The following CCSER1 variants were observed in gnomAD, a reference collection of about 807,000 sequenced individuals.
CCSER1 encodes serine-rich coiled-coil domain-containing protein 1.
Under a neutral mutation model 82.0 loss-of-function variants are expected in CCSER1, and 41 were observed. That is an observed-to-expected ratio of 0.50 (90% CI 0.39 to 0.65). The LOEUF is 0.65. Ranked by LOEUF, CCSER1 falls within the 30% of genes least tolerant of loss-of-function variation. The pLI is 0.00. For synonymous variants in CCSER1, 414 were observed against 383.9 expected, an observed-to-expected ratio of 1.08 and a Z score of -0.92; for missense variants, 1,119 against 1,064.2, an observed-to-expected ratio of 1.05 and a Z score of -0.72.
At chr4:90,732,731 C>T (rs1744972526) in intron 7 of CCSER1, among the ~76,000 whole-genome samples, 1 of 152,078 alleles carries the variant, frequency 6.6e-6, no homozygotes, top group African/African-American at 2.4e-5. Context: ...TTCTCTATCT[C>T]CATCAGTTTA....
chr4:90,909,985 T>A (rs931679378), intron 8 of CCSER1, among the ~76,000 whole-genome samples: 3 of 152,142 alleles, frequency 2.0e-5, no homozygotes, highest in African/African-American at 7.2e-5. Flanking sequence ...AGAGGTTTAA[T>A]TGACTCACAG....
intron 5 of CCSER1, among the ~76,000 whole-genome samples, chr4:90,562,149 C>A (rs567288882): frequency 7.0e-6 from 1 of 142,340 alleles, no homozygotes; most frequent in African/African-American, 2.7e-5. Context: ...CAGATTATGC[C>A]ATTGCACTCC....
intron 10 of CCSER1, among the ~76,000 whole-genome samples, chr4:91,177,610 G>A (rs947482752): frequency 6.6e-6 from 1 of 152,100 alleles, no homozygotes; most frequent in Non-Finnish European, 1.5e-5. Context: ...TTTACGTAGA[G>A]GTGTTTCTAG....
At chr4:91,286,327 A>G (rs935330991) in intron 10 of CCSER1, among the ~76,000 whole-genome samples, 2 of 151,874 alleles carry the variant, frequency 1.3e-5, no homozygotes, top group South Asian at 2.1e-4. Flanking sequence ...TGGAAATAGT[A>G]TAGGTTTGGT....
At chr4:90,959,821 C>G (rs528216315) in intron 9 of CCSER1, among the ~76,000 whole-genome samples, 3 of 151,434 alleles carry the variant, frequency 2.0e-5, no homozygotes, top group Admixed American at 2.0e-4. Flanking sequence ...TTTAATCCAG[C>G]ACCTCTCTTC....
intron 10 of CCSER1, among the ~76,000 whole-genome samples, chr4:91,535,315 A>G (rs1761241197): frequency 6.6e-6 from 1 of 152,074 alleles, no homozygotes; most frequent in Non-Finnish European, 1.5e-5. Context: ...TTTAACCAAA[A>G]AAACTTTCAG....
At chr4:90,486,808 G>A (rs1767160509) in intron 5 of CCSER1, among the ~76,000 whole-genome samples, 2 of 152,186 alleles carry the variant, frequency 1.3e-5, no homozygotes, top group Admixed American at 1.3e-4. Flanking sequence ...TCTTGAGACT[G>A]GAAGACTGCA....
At chr4:90,686,164 G>A (rs1734782681) in intron 6 of CCSER1, among the ~76,000 whole-genome samples, 1 of 152,114 alleles carries the variant, frequency 6.6e-6, no homozygotes, top group Non-Finnish European at 1.5e-5. Flanking sequence ...TATCCAGCAA[G>A]TTATTTATTC....
At chr4:91,502,968 T>A (rs1346264890) in intron 10 of CCSER1, among the ~76,000 whole-genome samples, 1 of 152,206 alleles carries the variant, frequency 6.6e-6, no homozygotes, top group African/African-American at 2.4e-5. Context: ...AAATAAATTA[T>A]AATATTTTGA....
At chr4:90,569,975 C>G (rs1232946175) in intron 5 of CCSER1, among the ~76,000 whole-genome samples, 1 of 152,160 alleles carries the variant, frequency 6.6e-6, no homozygotes, top group African/African-American at 2.4e-5. Flanking sequence ...ATAGCCAGTG[C>G]AATAACTGAG....
chr4:91,486,389 T>C (rs958963169), intron 10 of CCSER1, among the ~76,000 whole-genome samples: 3 of 152,060 alleles, frequency 2.0e-5, no homozygotes, highest in African/African-American at 7.2e-5. Flanking sequence ...AGACACTTTT[T>C]TGAAATATTA....
At chr4:90,352,096 G>A (rs1361635710) in intron 3 of CCSER1, among the ~76,000 whole-genome samples, 2 of 152,030 alleles carry the variant, frequency 1.3e-5, no homozygotes, top group African/African-American at 2.4e-5. Context: ...AGGCCGAGCC[G>A]AGCGGATCAC....
chr4:90,383,883 C>A (rs2153533429), intron 3 of CCSER1, among the ~76,000 whole-genome samples: 1 of 151,994 alleles, frequency 6.6e-6, no homozygotes, highest in East Asian at 1.9e-4. Context: ...AGGCCTGTGT[C>A]CTGCCACCAT....
chr4:91,221,485 C>T (rs1258279503), intron 10 of CCSER1, among the ~76,000 whole-genome samples: 1 of 151,928 alleles, frequency 6.6e-6, no homozygotes, highest in Non-Finnish European at 1.5e-5. Flanking sequence ...ATATTAAGAG[C>T]TTTAAAAGGT....
intron 10 of CCSER1, among the ~76,000 whole-genome samples, chr4:91,282,153 A>G (rs1023026949): frequency 4.6e-5 from 7 of 152,156 alleles, no homozygotes; most frequent in Non-Finnish European, 8.8e-5. Context: ...GATTCAAATA[A>G]ACCTATGTGT....
At chr4:91,380,177 A>C (rs1241026239) in intron 10 of CCSER1, among the ~76,000 whole-genome samples, 2 of 152,170 alleles carry the variant, frequency 1.3e-5, no homozygotes, top group Non-Finnish European at 2.9e-5. Flanking sequence ...CTATGTGGTC[A>C]ATTTTGGAAT....
At chr4:91,369,041 C>T (rs1459706482) in intron 10 of CCSER1, among the ~76,000 whole-genome samples, 1 of 152,168 alleles carries the variant, frequency 6.6e-6, no homozygotes, top group Non-Finnish European at 1.5e-5. Flanking sequence ...TTTTCACACT[C>T]ATCATGAAGT....
intron 8 of CCSER1, among the ~76,000 whole-genome samples, chr4:90,835,845 C>T (rs930257283): frequency 3.3e-5 from 5 of 151,892 alleles, no homozygotes; most frequent in Non-Finnish European, 7.3e-5. Flanking sequence ...TACAGAATCT[C>T]ATGCCATTGT....
chr4:90,254,287 G>A (rs1041887894), intron 1 of CCSER1, among the ~76,000 whole-genome samples: 3 of 152,256 alleles, frequency 2.0e-5, no homozygotes, highest in Admixed American at 6.5e-5. Flanking sequence ...CAGTACCCCT[G>A]CACCAGTGTT....
Sources: gnomAD v4.1 joint callset for allele counts (sites outside exome capture counted in the v4.1 genomes callset) on GRCh38, gnomAD v4.1.1 for gene constraint, MANE v1.5 for transcripts, NCBI Gene and HGNC (gene_info 2026-07-23, HGNC 2026-07-21) for gene names.